Variants in DPYSL3 observed in about 807,000 individuals in gnomAD.
DPYSL3 encodes the protein dihydropyrimidinase-related protein 3.
In DPYSL3, 16 loss-of-function variants were observed where a neutral mutation model predicts 66.1. The ratio of observed to expected loss-of-function variants is 0.24; its 90% CI spans 0.16 to 0.37. The LOEUF (loss-of-function observed/expected upper bound fraction) is 0.37, where lower values mean the gene tolerates loss of function less well. Among genes scored for constraint, DPYSL3 ranks in the 10% least tolerant of loss-of-function variants. The probability of loss-of-function intolerance (pLI) is 1.00; values close to 1 mark genes in which losing one functional copy is unlikely to be tolerated. For missense variants in DPYSL3, 738 were observed against 916.2 expected (o/e 0.81, Z 2.51); for synonymous variants, 338 against 345.1 (o/e 0.98, Z 0.23).
chr5:147,486,856 A>G (rs575778498), intron 1 of DPYSL3, among the ~76,000 whole-genome samples: 1 of 152,322 alleles, frequency 6.6e-6, no homozygotes, highest in East Asian at 1.9e-4. Context: ...ACATCTTCCA[A>G]GAGGTAATCA....
At position 147,409,723 on chromosome 5, in the gene DPYSL3, G is replaced by C. The variant is rs949824729; in HGVS notation, c.964-927C>G. Among the ~76,000 whole-genome samples, 12 of 152,278 alleles carry C rather than the reference G, an allele frequency of 7.9e-5. No homozygotes were observed. The East Asian group carries it at 2.3e-3, about 29-fold the overall frequency. ...CTGGCATTCACTCTGAAATTATTAA[G>C]ACTGGTCCCTATGAACCTCTGCACC... On this transcript the variant is annotated intron_variant, in intron 6 of 13. Coordinates refer to ENST00000343218, the MANE Select transcript of DPYSL3 (RefSeq NM_001197294.2).
At chr5:147,430,889 C>T (rs765328450) in intron 1 of DPYSL3, among the ~76,000 whole-genome samples, 6 of 152,078 alleles carry the variant, frequency 3.9e-5, no homozygotes, top group South Asian at 2.1e-4. Context: ...TTCCACACTC[C>T]GCAGACATTC....
At chr5:147,406,294 A>G (rs1252644599) in intron 7 of DPYSL3, 1 of 152,254 alleles carries the variant, frequency 6.6e-6, no homozygotes, top group African/African-American at 2.4e-5. Context: ...TGTAGAATTC[A>G]TGTTTTCAAA....
Position 147,399,160 on chromosome 5 carries a change from T to C in DPYSL3, c.1545A>G (p.Ile515Met). Residue 515 changes from isoleucine to methionine, a missense_variant, in exon 11 of 14, where the codon ATA (isoleucine) becomes ATG (methionine). By Grantham distance (10) the Ile-to-Met change is conservative. Coordinates refer to ENST00000343218, the MANE Select transcript of DPYSL3 (RefSeq NM_001197294.2). ...CGAGGTCGCTGTCAGAACCCACAGA[T>C]ATTCTTCCCTTGCGGGGATACAGGT... The part of the protein sequence containing the change: ...IFNLYPRKGR[I>M]SVGSDSDLVI... 6.2e-7 allele frequency: 1 copy of C among 1,614,250 alleles called. No homozygotes were observed. The highest frequency in any genetic ancestry group is 8.5e-7 in the Non-Finnish European group (1 of 1,180,052).
intron 1 of DPYSL3, chr5:147,453,844 TTTG>T (rs1752794963): frequency 1.0e-6 from 1 of 964,388 alleles, no homozygotes; most frequent in Non-Finnish European, 1.3e-6. Flanking sequence ...ACGCCCGGGT[TTTG>T]TTTTTTTTTT....
At chr5:147,468,188 C>T (rs973737105) in intron 1 of DPYSL3, among the ~76,000 whole-genome samples, 8 of 152,110 alleles carry the variant, frequency 5.3e-5, no homozygotes, top group African/African-American at 1.7e-4. Context: ...TAAGCTAATG[C>T]CACTATGGAA....
At chr5:147,418,879 T>C (rs1752027955) in intron 2 of DPYSL3, among the ~76,000 whole-genome samples, 1 of 152,336 alleles carries the variant, frequency 6.6e-6, no homozygotes, top group African/African-American at 2.4e-5. Flanking sequence ...TTTAGTACTA[T>C]AACCCCAGGG....
intron 1 of DPYSL3, among the ~76,000 whole-genome samples, chr5:147,508,869 A>G (rs1469542651): frequency 2.6e-5 from 4 of 152,168 alleles, no homozygotes; most frequent in African/African-American, 9.7e-5. Flanking sequence ...TTACAAACAC[A>G]GATGTGAAAT....
At chr5:147,423,852 C>G (rs2126327596) in intron 2 of DPYSL3, among the ~76,000 whole-genome samples, 1 of 152,258 alleles carries the variant, frequency 6.6e-6, no homozygotes, top group African/African-American at 2.4e-5. Flanking sequence ...CCCTGAGTAG[C>G]TGGGACTGCA....
chr5:147,497,707 T>TAA (rs35494023), intron 1 of DPYSL3, among the ~76,000 whole-genome samples: 1,714 of 146,708 alleles, frequency 0.012, 63 homozygotes, highest in East Asian at 0.089. Flanking sequence ...CCATTCATGA[T>TAA]AAAAAAAAAA....
chr5:147,442,751 G>A (rs138566945), intron 1 of DPYSL3, among the ~76,000 whole-genome samples: 178 of 152,074 alleles, frequency 1.2e-3, no homozygotes, highest in African/African-American at 4.0e-3. Context: ...TTTAAAACAT[G>A]GAAAGATGTC....
intron 1 of DPYSL3, among the ~76,000 whole-genome samples, chr5:147,428,039 C>T (rs2126338105): frequency 6.6e-6 from 1 of 152,268 alleles, no homozygotes; most frequent in Non-Finnish European, 1.5e-5. Flanking sequence ...GGGGCAAATG[C>T]TATATCCAGA....
intron 1 of DPYSL3, among the ~76,000 whole-genome samples, chr5:147,460,990 T>TA (rs1401169320): frequency 6.6e-6 from 1 of 151,964 alleles, no homozygotes; most frequent in Non-Finnish European, 1.5e-5. Context: ...GCAGATAGAG[T>TA]AAAAGAGTCC....
At position 147,399,234 on chromosome 5, in the gene DPYSL3, C is replaced by T. The variant is rs754356799; in HGVS notation, c.1471G>A (p.Glu491Lys). Reference protein sequence around the residue: ...DKAVATGKMDENQFVAVTSTN... With the variant: ...DKAVATGKMDKNQFVAVTSTN... The stretch of plus-strand genomic sequence containing the variant: ...CTTGTCACAGCCACGAACTGGTTTT[C>T]GTCCATTTTCCCTGTGGCCTATTGA... The change falls in exon 11 of 14, where the codon GAA becomes AAA. Residue 491 changes from glutamate (E) to lysine (K), a missense_variant. Transcript: ENST00000343218. 5.0e-6 allele frequency: 8 copies of T among 1,614,046 alleles called. No homozygotes were observed. In the East Asian group the frequency reaches 8.9e-5, roughly 18 times the overall value.
intron 2 of DPYSL3, among the ~76,000 whole-genome samples, chr5:147,424,394 T>C (rs1232809535): frequency 6.6e-6 from 1 of 152,232 alleles, no homozygotes; most frequent in Non-Finnish European, 1.5e-5. Context: ...TCCAATAGTA[T>C]ACATTTTAGA....
Position 147,398,598 on chromosome 5 carries a change from T to C in DPYSL3, c.1623+484A>G, listed in dbSNP as rs548991384. 1.9e-3 allele frequency among the ~76,000 whole-genome samples: 286 copies of C among 152,376 alleles called. 1 individual carries two copies. Among genetic ancestry groups the C allele is most frequent in the South Asian group, 5.6e-3 (27 of 4,826 alleles). On this transcript the variant is annotated intron_variant, in intron 11 of 13. Transcript: ENST00000343218. ...ACTGCACTTTAATTATCATCCTCCA[T>C]GTGAAACTCATCGTGAAGAAGTCAT... is the stretch of plus-strand genomic sequence containing the variant.
At chr5:147,460,262 GA>G (rs1752913851) in intron 1 of DPYSL3, among the ~76,000 whole-genome samples, 1 of 152,206 alleles carries the variant, frequency 6.6e-6, no homozygotes, top group Non-Finnish European at 1.5e-5. Context: ...CATGGGGAGA[GA>G]TACTATAGTC....
At chr5:147,461,155 C>A (rs1395876908) in intron 1 of DPYSL3, among the ~76,000 whole-genome samples, 2 of 152,162 alleles carry the variant, frequency 1.3e-5, no homozygotes, top group Non-Finnish European at 2.9e-5. Context: ...GCATGGTCAA[C>A]ATGGAGGCAC....
At chr5:147,497,102 G>C (rs2126454521) in intron 1 of DPYSL3, among the ~76,000 whole-genome samples, 1 of 152,178 alleles carries the variant, frequency 6.6e-6, no homozygotes, top group Non-Finnish European at 1.5e-5. Context: ...CCTTTGTAGG[G>C]ACATGGATGA....
Sources: allele counts gnomAD v4.1 joint callset (sites outside exome capture counted in the v4.1 genomes callset), GRCh38; gene constraint gnomAD v4.1.1; transcripts MANE v1.5; gene names NCBI Gene and HGNC (gene_info 2026-07-23, HGNC 2026-07-21).